Variants in SLC39A11 observed in about 807,000 individuals in gnomAD.
The protein encoded by SLC39A11 is solute carrier family 39 member 11, also known as zinc transporter ZIP11.
In SLC39A11, 33 loss-of-function variants were observed where a neutral mutation model predicts 36.1. The ratio of observed to expected loss-of-function variants is 0.91; its 90% CI spans 0.69 to 1.22. The LOEUF (loss-of-function observed/expected upper bound fraction) is 1.22, where lower values mean the gene tolerates loss of function less well. Ranked by LOEUF, SLC39A11 falls within the 50% of genes most tolerant of loss-of-function variation. The pLI, the probability that SLC39A11 is intolerant of heterozygous loss-of-function variation, is 0.00. For synonymous variants in SLC39A11, 166 were observed against 170.3 expected, an observed-to-expected ratio of 0.97 and a Z score of 0.20; for missense variants, 432 against 430.3, an observed-to-expected ratio of 1.00 and a Z score of -0.03.
At chr17:72,880,146 C>T (rs1462804251) in intron 5 of SLC39A11, among the ~76,000 whole-genome samples, 1 of 152,194 alleles carries the variant, frequency 6.6e-6, no homozygotes, top group African/African-American at 2.4e-5. Context: ...CCTAAGAGCT[C>T]CCTACTCCTC....
chr17:72,678,202 C>T (rs1338139332), intron 7 of SLC39A11, among the ~76,000 whole-genome samples: 1 of 152,230 alleles, frequency 6.6e-6, no homozygotes, highest in Non-Finnish European at 1.5e-5. Context: ...CCATTTAACT[C>T]AAGTGTGCAT....
rs1353202624 is a variant in SLC39A11, at chr17:72,822,374, GATCT to G, written c.601+27256_601+27259del. 2.0e-5 allele frequency among the ~76,000 whole-genome samples: 3 copies of G among 149,520 alleles called. 1 individual carries two copies. The highest frequency in any genetic ancestry group is 3.0e-5 in the Non-Finnish European group (2 of 67,056). ...ATATATAGAGAGAGAGAGGGAGAGA[GATCT>G]ATCTAAATGCAATCTGTTAATTTGA... On this transcript the variant is annotated intron_variant, in intron 6 of 9. Transcript: ENST00000255559.
chr17:72,996,335 G>C (rs551346793), intron 4 of SLC39A11, among the ~76,000 whole-genome samples: 1 of 152,300 alleles, frequency 6.6e-6, no homozygotes, highest in African/African-American at 2.4e-5. Context: ...CATGGGAATA[G>C]TATGTTTTCC....
chr17:72,938,201 T>G (rs2084889616), intron 5 of SLC39A11, among the ~76,000 whole-genome samples: 1 of 152,182 alleles, frequency 6.6e-6, no homozygotes, highest in South Asian at 2.1e-4. Context: ...CTAGCATACC[T>G]GCCACCCAGA....
intron 6 of SLC39A11, among the ~76,000 whole-genome samples, chr17:72,774,244 T>G (rs2076056155): frequency 6.6e-6 from 1 of 152,206 alleles, no homozygotes; most frequent in Non-Finnish European, 1.5e-5. Context: ...TCATGGCCCT[T>G]GCAGGGACTC....
chr17:72,788,950 G>T (rs1365262672), intron 6 of SLC39A11, among the ~76,000 whole-genome samples: 1 of 152,136 alleles, frequency 6.6e-6, no homozygotes, highest in African/African-American at 2.4e-5. Context: ...GTTTTCTTTT[G>T]TCTGCATGAA....
Position 72,794,750 on chromosome 17 carries a change from T to C in SLC39A11, c.601+54884A>G, listed in dbSNP as rs963432637. Among the ~76,000 whole-genome samples, 4 of 152,110 alleles carry C rather than the reference T, an allele frequency of 2.6e-5. No individual in the cohort carries two copies. In the East Asian group the frequency reaches 7.7e-4, roughly 29 times the overall value. On this transcript the variant is annotated intron_variant, in intron 6 of 9. Transcript: ENST00000255559. ...CTTCCTTCAAGTCCCAGGGTGACTT[T>C]CATTTCCTCCAGCAAGTGCCTCCTC...
At chr17:72,717,425 T>G (rs1188908489) in intron 7 of SLC39A11, among the ~76,000 whole-genome samples, 1 of 152,076 alleles carries the variant, frequency 6.6e-6, no homozygotes, top group Non-Finnish European at 1.5e-5. Context: ...CCCTGAAGGC[T>G]CTAGGGGAGG....
intron 7 of SLC39A11, among the ~76,000 whole-genome samples, chr17:72,697,174 G>A (rs1172615481): frequency 2.0e-5 from 3 of 152,110 alleles, no homozygotes; most frequent in African/African-American, 4.8e-5. Flanking sequence ...CCTGGAACTC[G>A]AGAGATCAGG....
intron 5 of SLC39A11, among the ~76,000 whole-genome samples, chr17:72,856,636 T>C (rs1212631709): frequency 6.6e-6 from 1 of 152,230 alleles, no homozygotes; most frequent in African/African-American, 2.4e-5. Flanking sequence ...AGTATGATCC[T>C]GAAAGCTAAT....
At chr17:72,839,042 TG>T (rs1482339828) in intron 6 of SLC39A11, 1 of 152,228 alleles carries the variant, frequency 6.6e-6, no homozygotes, top group Non-Finnish European at 1.5e-5. Context: ...AGTTGCTGAA[TG>T]GGCTCATTAA....
At chr17:72,877,281 A>T (rs1362497055) in intron 5 of SLC39A11, among the ~76,000 whole-genome samples, 1 of 152,140 alleles carries the variant, frequency 6.6e-6, no homozygotes, top group African/African-American at 2.4e-5. Context: ...TTCCAATCTA[A>T]CTGCCTTTCT....
intron 5 of SLC39A11, among the ~76,000 whole-genome samples, chr17:72,943,548 C>T (rs1481525041): frequency 1.3e-5 from 2 of 152,158 alleles, no homozygotes; most frequent in African/African-American, 4.8e-5. Context: ...GTACGGCTTA[C>T]GCTTCCCTGA....
At chr17:72,960,240 C>G (rs2086519476) in intron 4 of SLC39A11, among the ~76,000 whole-genome samples, 1 of 152,172 alleles carries the variant, frequency 6.6e-6, no homozygotes, top group Non-Finnish European at 1.5e-5. Flanking sequence ...AAATGTCTAT[C>G]ACTTTCACAA....
At chr17:72,829,834 C>G (rs77973476) in intron 6 of SLC39A11, among the ~76,000 whole-genome samples, 2 of 152,092 alleles carry the variant, frequency 1.3e-5, no homozygotes, top group African/African-American at 4.8e-5. Context: ...GTGTAGCCAC[C>G]TTGTTCCCCT....
chr17:72,740,208 G>A (rs1322949084), intron 6 of SLC39A11, among the ~76,000 whole-genome samples: 2 of 151,458 alleles, frequency 1.3e-5, no homozygotes, highest in Non-Finnish European at 2.9e-5. Context: ...GACTACAGGC[G>A]CCCGCCACCA....
At chr17:72,803,683 C>T (rs2145271865) in intron 6 of SLC39A11, among the ~76,000 whole-genome samples, 1 of 152,288 alleles carries the variant, frequency 6.6e-6, no homozygotes, top group African/African-American at 2.4e-5. Context: ...GTCACATTTG[C>T]TTTCTCTGAC....
At chr17:72,678,337 C>T (rs1182583571) in intron 7 of SLC39A11, among the ~76,000 whole-genome samples, 1 of 152,020 alleles carries the variant, frequency 6.6e-6, no homozygotes, top group Non-Finnish European at 1.5e-5. Flanking sequence ...CTGTGAACAG[C>T]GAGAAGGAGG....
At chr17:73,023,774 C>A (rs1357089476) in intron 4 of SLC39A11, among the ~76,000 whole-genome samples, 1 of 152,194 alleles carries the variant, frequency 6.6e-6, no homozygotes, top group Non-Finnish European at 1.5e-5. Context: ...CAGGTGTGAG[C>A]CACCACACCC....
Sources: allele counts gnomAD v4.1 joint callset (sites outside exome capture counted in the v4.1 genomes callset), GRCh38; gene constraint gnomAD v4.1.1; transcripts MANE v1.5; gene names NCBI Gene and HGNC (gene_info 2026-07-23, HGNC 2026-07-21).